GLIPR1L2: variants seen among roughly 807,000 people sequenced by gnomAD.
GLIPR1L2 encodes GLIPR1-like protein 2.
Under a neutral mutation model 28.4 loss-of-function variants are expected in GLIPR1L2, and 21 were observed. The observed-to-expected ratio is 0.74, with a 90% CI of 0.52 to 1.06. The LOEUF is 1.06. Among genes scored for constraint, GLIPR1L2 ranks in the 50% least tolerant of loss-of-function variants. The pLI is 0.00. For synonymous variants in GLIPR1L2, 145 were observed against 139.3 expected (o/e 1.04, Z -0.29); for missense variants, 476 against 416.9 (o/e 1.14, Z -1.23).
At position 75,431,096 on chromosome 12, in the gene GLIPR1L2, AAAG is replaced by A. The variant is rs1428841122; in HGVS notation, c.975_977del (p.Glu326del). ...GGAAATAATGGAAATGGAGGAGGAA[AAAG>A]AAGAGAGAGAGGAGGAGGAGGAGGA... On this transcript the variant is annotated inframe_deletion, in exon 6 of 6. Transcript: ENST00000550916. 12 of 1,203,114 alleles carry A rather than the reference AAAG, an allele frequency of 1.0e-5. No individual in the cohort carries two copies. The highest frequency in any genetic ancestry group is 2.1e-4 in the Middle Eastern group (1 of 4,786). 74.5% of individuals were successfully genotyped at this position (1,203,114 alleles called of 1,614,324 possible). A position where few individuals can be genotyped will look rare whatever the true frequency, so the allele number is the denominator to read the frequency against.
intron 1 of GLIPR1L2, among the ~76,000 whole-genome samples, chr12:75,397,234 A>G (rs966908588): frequency 6.6e-6 from 1 of 151,722 alleles, no homozygotes; most frequent in African/African-American, 2.4e-5. Context: ...TTAACTGGCC[A>G]ATTGATTTTT....
intron 3 of GLIPR1L2, among the ~76,000 whole-genome samples, chr12:75,416,279 G>A (rs1183213734): frequency 2.0e-5 from 3 of 152,128 alleles, no homozygotes; most frequent in African/African-American, 4.8e-5. Flanking sequence ...TGTAGGAAAT[G>A]TGAATGAATC....
intron 3 of GLIPR1L2, among the ~76,000 whole-genome samples, chr12:75,416,583 A>G (rs923105341): frequency 2.0e-5 from 3 of 152,128 alleles, no homozygotes; most frequent in African/African-American, 7.2e-5. Flanking sequence ...CAAACTGGTT[A>G]ACTCTATGAG....
At chr12:75,429,207 A>G (rs1279697880) in intron 4 of GLIPR1L2, among the ~76,000 whole-genome samples, 1 of 152,254 alleles carries the variant, frequency 6.6e-6, no homozygotes, top group East Asian at 1.9e-4. Context: ...CTTCAGAGCC[A>G]CAGGGGCAGA....
chr12:75,429,048 C>A (rs2046063902), intron 4 of GLIPR1L2, among the ~76,000 whole-genome samples: 1 of 152,204 alleles, frequency 6.6e-6, no homozygotes, highest in Non-Finnish European at 1.5e-5. Context: ...GGGGCCACCA[C>A]ACAGAGTCCC....
intron 1 of GLIPR1L2, 55 bp downstream of exon 1, chr12:75,391,405 C>G (rs903966749): frequency 6.2e-7 from 1 of 1,602,150 alleles, no homozygotes; most frequent in African/African-American, 1.3e-5. Flanking sequence ...ACAACGCCTC[C>G]CTGGATCTCG....
At chr12:75,409,611 C>T (rs1279526065) in intron 1 of GLIPR1L2, among the ~76,000 whole-genome samples, 1 of 145,698 alleles carries the variant, frequency 6.9e-6, no homozygotes, top group Non-Finnish European at 1.5e-5. Context: ...TCTGTCTTCT[C>T]TTATTCTCTA....
chr12:75,419,411 T>C (rs560260557), intron 3 of GLIPR1L2, among the ~76,000 whole-genome samples: 1 of 152,108 alleles, frequency 6.6e-6, no homozygotes, highest in African/African-American at 2.4e-5. Flanking sequence ...CTATGGAGAA[T>C]TGGGAAGCAT....
intron 4 of GLIPR1L2, among the ~76,000 whole-genome samples, chr12:75,429,803 CT>C (rs1029992591): frequency 6.6e-6 from 1 of 152,076 alleles, no homozygotes; most frequent in African/African-American, 2.4e-5. Context: ...TCTCCCCTCA[CT>C]CTCCCTCCTG....
rs2046100354 is a variant in GLIPR1L2 at position 75,432,493 on chromosome 12, C to A, written c.*1332C>A. On this transcript the variant is annotated 3_prime_UTR_variant, in exon 6 of 6. Coordinates refer to ENST00000550916, the MANE Select transcript of GLIPR1L2 (RefSeq NM_001270396.2). ...TTTGATAGAATATTGTGTTCTAAAG[C>A]TATATTTCTCAATGTGTGGTTCCAC... 1 of 150,644 alleles carries A rather than the reference C, an allele frequency of 6.6e-6. No individual in the cohort carries two copies. Among genetic ancestry groups the A allele is most frequent in the African/African-American group, 2.4e-5 (1 of 40,952 alleles). 9.3% of individuals were successfully genotyped at this position (150,644 alleles called of 1,614,324 possible).
rs1427340398 is a variant in GLIPR1L2, at chr12:75,391,677, C to A, written c.234+327C>A. On this transcript the variant is annotated intron_variant, in intron 1 of 5. Coordinates refer to ENST00000550916, the MANE Select transcript of GLIPR1L2 (RefSeq NM_001270396.2). ...AAATTAAAAATCAGTGCAAAAATAT[C>A]AATATCAAGGGTAAAGAAAATGTTA... is the stretch of plus-strand genomic sequence containing the variant. 1.5e-5 allele frequency: 8 copies of A among 542,550 alleles called. No individual in the cohort carries two copies. In the Admixed American group the frequency reaches 1.5e-4, roughly 10 times the overall value. 33.6% of individuals were successfully genotyped at this position (542,550 alleles called of 1,614,324 possible).
At chr12:75,427,858 G>C (rs1161183334) in intron 4 of GLIPR1L2, among the ~76,000 whole-genome samples, 2 of 152,240 alleles carry the variant, frequency 1.3e-5, no homozygotes, top group East Asian at 3.9e-4. Context: ...TTCACCCTCT[G>C]TCATGACTGG....
intron 4 of GLIPR1L2, chr12:75,423,467 A>G: frequency 1.2e-6 from 1 of 863,112 alleles, no homozygotes; most frequent in South Asian, 5.3e-5. Flanking sequence ...TTTTCCAAAC[A>G]TGAGAGAATA....
intron 3 of GLIPR1L2, among the ~76,000 whole-genome samples, chr12:75,413,954 T>C (rs2045898907): frequency 6.6e-6 from 1 of 152,020 alleles, no homozygotes; most frequent in South Asian, 2.1e-4. Context: ...TTCACTTAAT[T>C]AGCATAAGAC....
intron 1 of GLIPR1L2, among the ~76,000 whole-genome samples, chr12:75,392,488 T>C (rs1417466597): frequency 6.6e-6 from 1 of 152,222 alleles, no homozygotes; most frequent in African/African-American, 2.4e-5. Flanking sequence ...TGTCAGATTA[T>C]ATGCTGTCTT....
At chr12:75,391,373 C>A (rs541070838) in intron 1 of GLIPR1L2, 23 bp downstream of exon 1, 7 of 1,609,040 alleles carry the variant, frequency 4.4e-6, no homozygotes, top group Non-Finnish European at 6.0e-6. Flanking sequence ...GGCGGTTTGC[C>A]GACCCTTCCA....
chr12:75,408,526 A>G (rs1309548259), intron 1 of GLIPR1L2, among the ~76,000 whole-genome samples: 3 of 152,098 alleles, frequency 2.0e-5, no homozygotes, highest in African/African-American at 4.8e-5. Flanking sequence ...ACTGCTATGT[A>G]GTAAGAATGA....
intron 1 of GLIPR1L2, among the ~76,000 whole-genome samples, chr12:75,404,971 T>C (rs74108768): frequency 0.019 from 2,824 of 152,258 alleles, 71 homozygotes; most frequent in African/African-American, 0.064. Flanking sequence ...ACACTTTTAG[T>C]TTTTAATACT....
intron 4 of GLIPR1L2, among the ~76,000 whole-genome samples, chr12:75,425,006 C>T (rs573084484): frequency 1.4e-4 from 22 of 151,894 alleles, no homozygotes; most frequent in African/African-American, 3.4e-4. Context: ...GCAGTGGGCA[C>T]GGAAAGGAAA....
Sources: allele counts gnomAD v4.1 joint callset (sites outside exome capture counted in the v4.1 genomes callset), GRCh38; gene constraint gnomAD v4.1.1; transcripts MANE v1.5; gene names NCBI Gene and HGNC (gene_info 2026-07-23, HGNC 2026-07-21).